SCHIP1: variants seen among roughly 807,000 people sequenced by gnomAD.
SCHIP1 encodes the protein schwannomin-interacting protein 1.
SCHIP1 carries 8 observed loss-of-function variants against 29.7 expected under a neutral mutation model. The observed-to-expected ratio is 0.27, with a 90% CI of 0.16 to 0.49. The LOEUF (loss-of-function observed/expected upper bound fraction) is 0.49. SCHIP1 is among the 20% of genes least tolerant of loss of function. The pLI, the probability that SCHIP1 is intolerant of heterozygous loss-of-function variation, is 0.99. For missense variants in SCHIP1, 193 were observed against 294.6 expected (o/e 0.66, Z 2.52); for synonymous variants, 76 against 94.9 (o/e 0.80, Z 1.16).
At chr3:159,546,946 A>G in the SCHIP1 span, among the ~76,000 whole-genome samples, 1 of 152,140 alleles carries the variant, frequency 6.6e-6, no homozygotes. Context: ...CAGTAATGGG[A>G]TTGCTGGGTC....
chr3:159,302,386 G>C, the SCHIP1 span, among the ~76,000 whole-genome samples: 10 of 152,124 alleles, frequency 6.6e-5, no homozygotes, highest in African/African-American at 2.4e-4. Flanking sequence ...AGTAAATATA[G>C]TACCTGGGAT....
chr3:159,410,063 G>A, the SCHIP1 span, among the ~76,000 whole-genome samples: 3 of 152,040 alleles, frequency 2.0e-5, no homozygotes, highest in Non-Finnish European at 4.4e-5. Flanking sequence ...GGGAAAAATG[G>A]ATATCCATAT....
the SCHIP1 span, among the ~76,000 whole-genome samples, chr3:159,826,830 A>G: frequency 6.6e-6 from 1 of 152,206 alleles, no homozygotes; most frequent in Non-Finnish European, 1.5e-5. Context: ...TCTCTTTGCT[A>G]TTCACCAGGG....
At chr3:159,424,584 C>T in the SCHIP1 span, among the ~76,000 whole-genome samples, 4 of 152,174 alleles carry the variant, frequency 2.6e-5, no homozygotes, top group African/African-American at 4.8e-5. Flanking sequence ...CTGAAAGTGA[C>T]GGGGAGAACG....
intron 1 of SCHIP1, among the ~76,000 whole-genome samples, chr3:159,853,804 T>C (rs1432794530): frequency 6.6e-6 from 1 of 152,250 alleles, no homozygotes; most frequent in Non-Finnish European, 1.5e-5. Flanking sequence ...AAAAAATTAC[T>C]AGAATGTTTA....
chr3:159,811,313 C>A, the SCHIP1 span, among the ~76,000 whole-genome samples: 3 of 152,088 alleles, frequency 2.0e-5, no homozygotes, highest in Admixed American at 6.5e-5. Flanking sequence ...TCAATTTTTT[C>A]AGTTTTTCCT....
At chr3:159,312,114 T>C in the SCHIP1 span, among the ~76,000 whole-genome samples, 3 of 152,182 alleles carry the variant, frequency 2.0e-5, no homozygotes, top group Non-Finnish European at 4.4e-5. Context: ...TTGGTCTTTC[T>C]AGACACGACA....
the SCHIP1 span, among the ~76,000 whole-genome samples, chr3:159,430,957 G>C: frequency 1.3e-5 from 2 of 152,166 alleles, no homozygotes; most frequent in Admixed American, 6.5e-5. Context: ...GGGACTCAAA[G>C]CTGGAATAAT....
the SCHIP1 span, among the ~76,000 whole-genome samples, chr3:159,710,476 C>T: frequency 7.9e-5 from 12 of 152,092 alleles, no homozygotes; most frequent in African/African-American, 2.2e-4. Flanking sequence ...TGATCTATTG[C>T]ACAAGGTAAC....
At chr3:159,345,368 C>T in the SCHIP1 span, among the ~76,000 whole-genome samples, 19 of 152,094 alleles carry the variant, frequency 1.2e-4, no homozygotes, top group South Asian at 6.2e-4. Context: ...AACCAATCAA[C>T]GCTAAAAACG....
At chr3:159,682,393 G>A in the SCHIP1 span, among the ~76,000 whole-genome samples, 1 of 152,142 alleles carries the variant, frequency 6.6e-6, no homozygotes, top group Admixed American at 6.5e-5. Context: ...AGTAGCATGG[G>A]AAGGTGGCTG....
At chr3:159,813,750 C>T in the SCHIP1 span, among the ~76,000 whole-genome samples, 1 of 152,122 alleles carries the variant, frequency 6.6e-6, no homozygotes, top group African/African-American at 2.4e-5. Context: ...TTACTCTTTC[C>T]TCTATATCTG....
chr3:159,766,278 G>A, the SCHIP1 span, among the ~76,000 whole-genome samples: 2 of 152,136 alleles, frequency 1.3e-5, no homozygotes, highest in Non-Finnish European at 2.9e-5. Context: ...GACTTCAGGG[G>A]TGAGGATGGT....
the SCHIP1 span, among the ~76,000 whole-genome samples, chr3:159,664,423 A>C: frequency 6.6e-6 from 1 of 152,156 alleles, no homozygotes; most frequent in African/African-American, 2.4e-5. Flanking sequence ...AAATGTATTA[A>C]AACATCTCAA....
At chr3:159,399,652 A>G in the SCHIP1 span, among the ~76,000 whole-genome samples, 1 of 152,128 alleles carries the variant, frequency 6.6e-6, no homozygotes, top group African/African-American at 2.4e-5. Context: ...TCAAATTTAG[A>G]CACACTGATG....
the SCHIP1 span, among the ~76,000 whole-genome samples, chr3:159,798,672 C>G: frequency 6.6e-6 from 1 of 152,046 alleles, no homozygotes; most frequent in African/African-American, 2.4e-5. Flanking sequence ...GCACGAGAAT[C>G]GCTTCAACCC....
chr3:159,716,508 C>A, the SCHIP1 span, among the ~76,000 whole-genome samples: 1 of 152,170 alleles, frequency 6.6e-6, no homozygotes, highest in Non-Finnish European at 1.5e-5. Context: ...GGAGACCCCT[C>A]TCATGTGCAG....
chr3:159,363,450 A>G, the SCHIP1 span, among the ~76,000 whole-genome samples: 1 of 152,188 alleles, frequency 6.6e-6, no homozygotes, highest in South Asian at 2.1e-4. Context: ...AATGAGCCCA[A>G]AGGATGAACC....
the SCHIP1 span, among the ~76,000 whole-genome samples, chr3:159,630,282 CT>C: frequency 6.6e-6 from 1 of 152,142 alleles, no homozygotes; most frequent in Non-Finnish European, 1.5e-5. Context: ...AAATTCCACA[CT>C]GTATGACCTC....
Sources: gnomAD v4.1 joint callset for allele counts (sites outside exome capture counted in the v4.1 genomes callset) on GRCh38, gnomAD v4.1.1 for gene constraint, MANE v1.5 for transcripts, NCBI Gene and HGNC (gene_info 2026-07-23, HGNC 2026-07-21) for gene names.